OTUB2: variants seen among roughly 807,000 people sequenced by gnomAD.
OTUB2 encodes the protein OTU deubiquitinase, ubiquitin aldehyde binding 2.
In OTUB2, 21 loss-of-function variants were observed where a neutral mutation model predicts 25.1. The ratio of observed to expected loss-of-function variants is 0.84; its 90% CI spans 0.59 to 1.21. OTUB2 has a LOEUF of 1.21. Among genes scored for constraint, OTUB2 ranks in the 50% most tolerant of loss-of-function variants. The pLI, the probability that OTUB2 is intolerant of heterozygous loss-of-function variation, is 0.00. For missense variants in OTUB2, 283 were observed against 298.0 expected, an observed-to-expected ratio of 0.95 and a Z score of 0.37; for synonymous variants, 122 against 122.8, an observed-to-expected ratio of 0.99 and a Z score of 0.04.
Position 94,044,034 on chromosome 14 carries a change from G to A in OTUB2, c.282G>A (p.Lys94=), listed in dbSNP as rs1885213703. Residue 94 remains lysine, a synonymous_variant, in exon 4 of 6, where the codon AAG becomes AAA. Transcript: ENST00000203664. ...TGGCTGCTGGCTTTGAGGAGCACAA[G>A]TTCAGAAACTTCTTCAATGCTGTGA... ...DLLAAGFEEH[K]FRNFFNAFYS... is the part of the protein sequence containing the mutation. 1.2e-6 allele frequency: 2 copies of A among 1,614,232 alleles called. No individual in the cohort carries two copies. The highest frequency in any genetic ancestry group is 2.7e-5 in the African/African-American group (2 of 75,068).
At position 94,026,395 on chromosome 14, in the gene OTUB2, G is replaced by C; in HGVS notation, c.-143G>C. ...GGTCTAACCTTTGGTTTGCGGAGCGGTCGGGTGTATTCTCCGCCGCCCCCA... is the reference window on the plus strand; with the variant it reads ...GGTCTAACCTTTGGTTTGCGGAGCGCTCGGGTGTATTCTCCGCCGCCCCCA... On this transcript the variant is annotated 5_prime_UTR_variant, in exon 1 of 6. Coordinates refer to ENST00000203664, the MANE Select transcript of OTUB2 (RefSeq NM_023112.4). The C allele has an allele frequency of 7.9e-7, 1 of 1,267,044 alleles. No homozygotes were observed. The highest frequency in any genetic ancestry group is 1.0e-6 in the Non-Finnish European group (1 of 1,004,532). 78.5% of individuals were successfully genotyped at this position (1,267,044 alleles called of 1,614,324 possible).
intron 1 of OTUB2, among the ~76,000 whole-genome samples, chr14:94,028,657 TGTGCTGG>T (rs1884907532): frequency 6.6e-6 from 1 of 152,252 alleles, no homozygotes; most frequent in African/African-American, 2.4e-5. Flanking sequence ...TTGTCAGGCC[TGTGCTGG>T]GCACTGTGAC....
At chr14:94,044,828 C>T (rs1202684808) in intron 5 of OTUB2, 48 bp downstream of exon 5, 3 of 1,553,874 alleles carry the variant, frequency 1.9e-6, no homozygotes, top group Non-Finnish European at 1.7e-6. Context: ...GCTCCTGTGG[C>T]CCTGTCCTGC....
At chr14:94,032,202 A>T (rs946483169) in intron 1 of OTUB2, among the ~76,000 whole-genome samples, 7 of 152,144 alleles carry the variant, frequency 4.6e-5, no homozygotes, top group African/African-American at 1.4e-4. Flanking sequence ...CAATAATTAC[A>T]TCTGGGACCA....
chr14:94,026,671 T>C, intron 1 of OTUB2, 131 bp downstream of exon 1: 1 of 983,586 alleles, frequency 1.0e-6, no homozygotes, highest in Non-Finnish European at 1.3e-6. Context: ...CCCCCGCCGC[T>C]TTCCGACCCC....
intron 3 of OTUB2, 39 bp downstream of exon 3, chr14:94,039,120 C>A: frequency 6.7e-7 from 1 of 1,500,824 alleles, no homozygotes; most frequent in Non-Finnish European, 9.3e-7. Context: ...GGGCTGTGTT[C>A]TCTGTGCTAG....
At chr14:94,037,863 C>T (rs780534335) in intron 2 of OTUB2, among the ~76,000 whole-genome samples, 38 of 152,318 alleles carry the variant, frequency 2.5e-4, no homozygotes, top group Middle Eastern at 3.4e-3. Context: ...AGTCTCAAGC[C>T]ACATTCATAA....
chr14:94,026,728 C>T (rs374106964), intron 1 of OTUB2, among the ~76,000 whole-genome samples, 188 bp downstream of exon 1: 1 of 152,154 alleles, frequency 6.6e-6, no homozygotes, highest in Non-Finnish European at 1.5e-5. Flanking sequence ...GTCGCGCCCC[C>T]CTGTACCCCG....
chr14:94,036,781 C>A (rs1427813785), intron 1 of OTUB2, among the ~76,000 whole-genome samples: 1 of 152,176 alleles, frequency 6.6e-6, no homozygotes, highest in Non-Finnish European at 1.5e-5. Context: ...CTGTGCTCCC[C>A]GAGCTCAGAT....
In OTUB2 at chr14:94,044,686, T is replaced by C; in HGVS notation, c.404T>C (p.Leu135Pro). 1 of 1,614,194 alleles carries C rather than the reference T, an allele frequency of 6.2e-7. No individual in the cohort carries two copies. Among genetic ancestry groups the C allele is most frequent in the Non-Finnish European group, 8.5e-7 (1 of 1,180,032 alleles). ...GCCTCGGACCACATCGTGCAGTTCC[T>C]GCGCCTGCTCACGTCGGCCTTCATC... ...QSASDHIVQFLRLLTSAFIRN... is the reference protein window; with the variant it reads ...QSASDHIVQFPRLLTSAFIRN... The change falls in exon 5 of 6, where the codon CTG (leucine) becomes CCG (proline). Residue 135 changes from leucine (L) to proline (P), a missense_variant. Physicochemically the swap from Leu to Pro is moderately conservative, Grantham distance 98 (BLOSUM62 -3). Transcript: ENST00000203664.
Position 94,031,080 on chromosome 14 carries a change from C to T in OTUB2, c.3+4540C>T, listed in dbSNP as rs887354273. Among the ~76,000 whole-genome samples the T allele has an allele frequency of 2.0e-5, 3 of 152,214 alleles. No individual in the cohort carries two copies. The East Asian group carries it at 5.8e-4, about 29-fold the overall frequency. ...CACTCGGCTGCCCCCAAATCCATGG[C>T]TTCCAAACGATTATCATCGCTCACC... On this transcript the variant is annotated intron_variant, in intron 1 of 5. Transcript: ENST00000203664.
In OTUB2 at chr14:94,043,984, G is replaced by A. The variant is rs116392236; in HGVS notation, c.232G>A (p.Val78Ile). 3,474 of 1,614,190 alleles carry A rather than the reference G, an allele frequency of 2.2e-3. 61 individuals carry two copies. The African/African-American group carries it at 0.04, about 19-fold the overall frequency. ...CCCCCTCTGTAGGTTCAAAGAACGC[G>A]TACTGCAGACCCCAAATGACCTTCT... The part of the protein sequence containing the change: ...SREIFKFKER[V>I]LQTPNDLLAA... Residue 78 changes from valine (V) to isoleucine (I), a missense_variant, in exon 4 of 6, where the codon GTA (valine) becomes ATA (isoleucine). Val to Ile is a conservative substitution (Grantham distance 29). Transcript: ENST00000203664.
chr14:94,045,403 C>T (rs934025444), intron 5 of OTUB2, among the ~76,000 whole-genome samples: 6 of 152,206 alleles, frequency 3.9e-5, no homozygotes, highest in Admixed American at 6.5e-5. Context: ...GATGCCCAAC[C>T]TGAAAAATGT....
chr14:94,038,977 G>A lies in OTUB2; in HGVS notation c.114G>A (p.Arg38=). The change falls in exon 3 of 6, where the codon AGG becomes AGA. Residue 38 remains arginine, a synonymous_variant. Transcript: ENST00000203664. ...YRRKIEELSK[R]FTAIRKTKGD... ...GTCCCCCTCAGGAACTCAGCAAAAG[G>A]TTCACCGCCATCCGCAAGACCAAAG... 1 of 1,614,196 alleles carries A rather than the reference G, an allele frequency of 6.2e-7. No individual in the cohort carries two copies. The highest frequency in any genetic ancestry group is 8.5e-7 in the Non-Finnish European group (1 of 1,180,038).
At chr14:94,031,648 T>G (rs1377388642) in intron 1 of OTUB2, among the ~76,000 whole-genome samples, 1 of 152,188 alleles carries the variant, frequency 6.6e-6, no homozygotes, top group Admixed American at 6.5e-5. Flanking sequence ...CACCAAAGAC[T>G]CAAAGCCAGT....
At chr14:94,034,539 C>G (rs74844471) in intron 1 of OTUB2, among the ~76,000 whole-genome samples, 13,006 of 152,260 alleles carry the variant, frequency 0.085, 759 homozygotes, top group Non-Finnish European at 0.12. Context: ...CTGACCTTGT[C>G]AGTAGAATGG....
chr14:94,039,204 C>G, intron 3 of OTUB2, 123 bp downstream of exon 3: 2 of 771,350 alleles, frequency 2.6e-6, no homozygotes, highest in Non-Finnish European at 4.2e-6. Context: ...GAAGAGCTGC[C>G]TGGCAGAGGC....
chr14:94,040,973 G>A (rs1469977149), intron 3 of OTUB2, among the ~76,000 whole-genome samples: 1 of 152,224 alleles, frequency 6.6e-6, no homozygotes, highest in Non-Finnish European at 1.5e-5. Flanking sequence ...GAGCCACCGA[G>A]GGATTGCGCA....
intron 3 of OTUB2, among the ~76,000 whole-genome samples, chr14:94,041,174 T>C (rs7161706): frequency 0.31 from 47,064 of 152,166 alleles, 7,524 homozygotes; most frequent in Admixed American, 0.38. Context: ...CGTGCCCGAC[T>C]CACATGTTGG....
Sources: gnomAD v4.1 joint callset for allele counts (sites outside exome capture counted in the v4.1 genomes callset) on GRCh38, gnomAD v4.1.1 for gene constraint, MANE v1.5 for transcripts, NCBI Gene and HGNC (gene_info 2026-07-23, HGNC 2026-07-21) for gene names.